Variants in FLACC1 observed in about 807,000 individuals in gnomAD.
FLACC1 encodes the protein flagellum-associated coiled-coil domain-containing protein 1.
A neutral mutation model predicts 62.8 loss-of-function variants in FLACC1; 66 were observed. That is an observed-to-expected ratio of 1.05 (90% confidence interval 0.86 to 1.29). The LOEUF is 1.29. Among genes scored for constraint, FLACC1 ranks in the 50% most tolerant of loss-of-function variants. The probability of loss-of-function intolerance (pLI) is 0.00; values close to 1 mark genes in which losing one functional copy is unlikely to be tolerated. For synonymous variants in FLACC1, 156 were observed against 161.0 expected (o/e 0.97, Z 0.24); for missense variants, 452 against 489.1 (o/e 0.92, Z 0.71).
chr2:201,358,146 G>T (rs190403552), upstream of FLACC1, among the ~76,000 whole-genome samples: 1 of 152,136 alleles, frequency 6.6e-6, no homozygotes, highest in Non-Finnish European at 1.5e-5. Flanking sequence ...TAGGTGTGGG[G>T]ATATACCTCA....
chr2:201,327,464 A>C (rs1950517191), intron 9 of FLACC1, among the ~76,000 whole-genome samples: 1 of 148,526 alleles, frequency 6.7e-6, no homozygotes, highest in South Asian at 2.3e-4. Context: ...CAAATCAGCA[A>C]GAAAAAAACA....
At position 201,344,275 on chromosome 2, in the gene FLACC1, G is replaced by T; in HGVS notation, c.369-12C>A. ...AAATGATGTTGGTCCTGTAGGAGAA[G>T]TAATTCTTCTATCATCCACAAAGCT... is the stretch of plus-strand genomic sequence containing the variant. On this transcript the variant is annotated splice_polypyrimidine_tract_variant and intron_variant, in intron 5 of 14. Transcript: ENST00000392257. 1 of 1,582,406 alleles carries T rather than the reference G, an allele frequency of 6.3e-7. No homozygotes were observed. Among genetic ancestry groups the T allele is most frequent in the Non-Finnish European group, 8.7e-7 (1 of 1,151,416 alleles).
chr2:201,321,826 T>G lies in FLACC1; in HGVS notation c.675+8644A>C, dbSNP rs199880773. Among the ~76,000 whole-genome samples the G allele has an allele frequency of 2.0e-5, 3 of 152,056 alleles. No individual in the cohort carries two copies. The East Asian group carries it at 5.8e-4, about 29-fold the overall frequency. On this transcript the variant is annotated intron_variant, in intron 9 of 14. Coordinates refer to ENST00000392257, the MANE Select transcript of FLACC1 (RefSeq NM_001127391.3). ...ACCCCAGGTAAGACCTCATTGCAAC[T>G]CACTCCTCCAGCCACCTCTGTCAAG...
At chr2:201,359,275 A>G (rs1310615888), upstream of FLACC1, among the ~76,000 whole-genome samples, 2 of 152,336 alleles carry the variant, frequency 1.3e-5, no homozygotes, top group South Asian at 4.1e-4. Context: ...GCAGATTATT[A>G]GTTCAGTTTT....
intron 11 of FLACC1, among the ~76,000 whole-genome samples, chr2:201,300,139 G>A (rs1015019314): frequency 4.6e-5 from 7 of 152,192 alleles, no homozygotes; most frequent in African/African-American, 1.7e-4. Flanking sequence ...GCCTCACCTG[G>A]GAAGCGCGAG....
At chr2:201,354,601 G>A (rs931061756) in intron 1 of FLACC1, among the ~76,000 whole-genome samples, 1 of 152,140 alleles carries the variant, frequency 6.6e-6, no homozygotes, top group Non-Finnish European at 1.5e-5. Flanking sequence ...AAGCAGATGG[G>A]ATCGAGTGCC....
rs372537746 is a variant in FLACC1 at position 201,346,581 on chromosome 2, C to A, written c.329G>T (p.Arg110Leu). Reference sequence around the variant, plus strand: ...TTTGTCCGGGATCTCCGATTCCCACCGCTTTTTCCTATCAAACATCTCATC... The same window carrying A: ...TTTGTCCGGGATCTCCGATTCCCACAGCTTTTTCCTATCAAACATCTCATC... ...LGDEMFDRKK[R>L]WESEIPDKGR... is the part of the protein sequence containing the mutation. Residue 110 changes from arginine (R) to leucine (L), a missense_variant, in exon 5 of 15, where the codon CGG becomes CTG. Arg to Leu is a moderately radical substitution (Grantham distance 102). This residue lies in a region of FLACC1 where 147 missense variants were observed against 152.7 expected (regional missense o/e 0.96). Transcript: ENST00000392257. The surrounding 1 kb of genome is among the most constrained non-coding windows in gnomAD (Gnocchi z 4.0). 1 of 1,614,134 alleles carries A rather than the reference C, an allele frequency of 6.2e-7. No individual in the cohort carries two copies. Among genetic ancestry groups the A allele is most frequent in the African/African-American group, 1.3e-5 (1 of 75,046 alleles).
intron 4 of FLACC1, among the ~76,000 whole-genome samples, chr2:201,347,508 ATGGCTCTTTTCCC>A (rs988275214): frequency 2.0e-5 from 3 of 152,180 alleles, no homozygotes; most frequent in African/African-American, 2.4e-5. Flanking sequence ...AAAGGACTGC[ATGGCTCTTTTCCC>A]TGGCTCTTTT....
chr2:201,295,493 C>A (rs1949839095), intron 12 of FLACC1, among the ~76,000 whole-genome samples: 1 of 152,066 alleles, frequency 6.6e-6, no homozygotes, highest in Non-Finnish European at 1.5e-5. Flanking sequence ...TTCCTTACAC[C>A]TTATACAAAA....
intron 11 of FLACC1, among the ~76,000 whole-genome samples, chr2:201,302,421 A>C (rs2125551274): frequency 6.6e-6 from 1 of 152,314 alleles, no homozygotes; most frequent in African/African-American, 2.4e-5. Context: ...GAGCAGCCAG[A>C]TTCATAAAGT....
rs1243192073 is a variant in FLACC1 at position 201,314,404 on chromosome 2, G to A, written c.676-5154C>T. ...ATAGAAATGCAAAATGCTCTGGTAC[G>A]TCTCAGCAATAGAATTGAGCAAGCA... On this transcript the variant is annotated intron_variant, in intron 9 of 14. Transcript: ENST00000392257. Among the ~76,000 whole-genome samples the A allele has an allele frequency of 3.3e-5, 5 of 152,142 alleles. No homozygotes were observed. The East Asian group carries it at 7.7e-4, about 23-fold the overall frequency.
intron 7 of FLACC1, among the ~76,000 whole-genome samples, chr2:201,333,442 T>C (rs940214312): frequency 2.0e-5 from 3 of 152,176 alleles, no homozygotes; most frequent in Non-Finnish European, 4.4e-5. Context: ...TTAGGGTACA[T>C]GTACATAATG....
chr2:201,342,144 G>T (rs990157643), intron 7 of FLACC1, among the ~76,000 whole-genome samples: 10 of 152,184 alleles, frequency 6.6e-5, no homozygotes, highest in Admixed American at 5.2e-4. Flanking sequence ...GAAAGGATTG[G>T]ATGATAAAAT....
At chr2:201,332,351 C>A (rs532736511) in intron 7 of FLACC1, among the ~76,000 whole-genome samples, 1 of 151,920 alleles carries the variant, frequency 6.6e-6, no homozygotes, top group Non-Finnish European at 1.5e-5. Context: ...TGGGCTCAAG[C>A]GATTCTCTCA....
chr2:201,361,580 ATATAT>A, upstream of FLACC1, among the ~76,000 whole-genome samples: 2 of 152,224 alleles, frequency 1.3e-5, no homozygotes, highest in African/African-American at 4.8e-5. Flanking sequence ...TTACATTTAT[ATATAT>A]GTAGATCTAG....
chr2:201,305,327 G>A (rs1191678038), intron 11 of FLACC1, among the ~76,000 whole-genome samples: 4 of 151,968 alleles, frequency 2.6e-5, no homozygotes, highest in African/African-American at 9.7e-5. Flanking sequence ...ACAGACACAC[G>A]AAAAAATGTT....
At position 201,346,266 on chromosome 2, in the gene FLACC1, C is replaced by G. The variant is rs1950911853; in HGVS notation, c.368+276G>C. Among the ~76,000 whole-genome samples, 1 of 152,208 alleles carries G rather than the reference C, an allele frequency of 6.6e-6. No homozygotes were observed. Among genetic ancestry groups the G allele is most frequent in the African/African-American group, 2.4e-5 (1 of 41,462 alleles). On this transcript the variant is annotated intron_variant, in intron 5 of 14. Transcript: ENST00000392257. The surrounding 1 kb of genome is among the most constrained non-coding windows in gnomAD (Gnocchi z 4.0). ...ATGGCTATTCTATCTATTCCTCACCCCACGAACAATTGCTATCCTTTGGGA... is the reference window on the plus strand; with the variant it reads ...ATGGCTATTCTATCTATTCCTCACCGCACGAACAATTGCTATCCTTTGGGA...
chr2:201,342,227 C>G (rs1456608460), intron 7 of FLACC1, 143 bp downstream of exon 7: 16 of 742,216 alleles, frequency 2.2e-5, no homozygotes, highest in South Asian at 7.0e-5. Flanking sequence ...TCTTCAAAGA[C>G]ACGTGTCTTG....
rs1576473519 is a variant in FLACC1 at position 201,346,063 on chromosome 2, G to A, written c.368+479C>T. 6.6e-6 allele frequency among the ~76,000 whole-genome samples: 1 copy of A among 152,038 alleles called. No homozygotes were observed. The highest frequency in any genetic ancestry group is 6.6e-5 in the Admixed American group (1 of 15,252). On this transcript the variant is annotated intron_variant, in intron 5 of 14. Transcript: ENST00000392257. The surrounding 1 kb of genome is among the most constrained non-coding windows in gnomAD (Gnocchi z 4.0). Reference sequence around the variant, plus strand: ...GCCTGTAATCCTAGCTACTCAAGAGGTTGAGGCGTGAGAATAGCTTAAACC... The same window carrying A: ...GCCTGTAATCCTAGCTACTCAAGAGATTGAGGCGTGAGAATAGCTTAAACC...
Sources: gnomAD v4.1 joint callset for allele counts (sites outside exome capture counted in the v4.1 genomes callset) on GRCh38, gnomAD v4.1.1 for gene constraint, gnomAD v4.1.1 regional missense constraint, Gnocchi (gnomAD v3.1) non-coding constraint, MANE v1.5 for transcripts, NCBI Gene and HGNC (gene_info 2026-07-23, HGNC 2026-07-21) for gene names.